ZNF679: variants seen among roughly 807,000 people sequenced by gnomAD.
ZNF679 encodes hypothetical protein MGC42415.
In ZNF679, 10 loss-of-function variants were observed where a neutral mutation model predicts 13.4. The ratio of observed to expected loss-of-function variants is 0.75; its 90% CI spans 0.46 to 1.27. The LOEUF (loss-of-function observed/expected upper bound fraction) is 1.27, where lower values mean the gene tolerates loss of function less well. Among genes scored for constraint, ZNF679 ranks in the 50% most tolerant of loss-of-function variants. The pLI is 0.00. For missense variants in ZNF679, 525 were observed against 477.8 expected (o/e 1.10, Z -0.92); for synonymous variants, 179 against 162.5 (o/e 1.10, Z -0.77).
chr7:64,257,860 A>G (rs1788023623), intron 2 of ZNF679, among the ~76,000 whole-genome samples: 1 of 152,230 alleles, frequency 6.6e-6, no homozygotes, highest in Non-Finnish European at 1.5e-5. Flanking sequence ...AAGCACAATC[A>G]GCATTTACAG....
chr7:64,245,457 G>A (rs1268893169), intron 1 of ZNF679, among the ~76,000 whole-genome samples: 1 of 152,086 alleles, frequency 6.6e-6, no homozygotes, highest in African/African-American at 2.4e-5. Context: ...GAGAGAGAGA[G>A]AGAGGGAGAG....
At chr7:64,261,190 A>G (rs1394870484) in intron 4 of ZNF679, among the ~76,000 whole-genome samples, 2 of 152,186 alleles carry the variant, frequency 1.3e-5, no homozygotes, top group Middle Eastern at 3.2e-3. Flanking sequence ...ATGGCTTATC[A>G]GAGACTGACT....
intron 4 of ZNF679, among the ~76,000 whole-genome samples, chr7:64,262,114 C>A (rs1256881348): frequency 6.6e-6 from 1 of 152,162 alleles, no homozygotes; most frequent in East Asian, 1.9e-4. Flanking sequence ...CCTCGGCCTG[C>A]CAAAGTTCTG....
intron 1 of ZNF679, among the ~76,000 whole-genome samples, chr7:64,229,314 C>T (rs1240385979): frequency 6.6e-6 from 1 of 152,052 alleles, no homozygotes; most frequent in East Asian, 1.9e-4. Flanking sequence ...AGTTAGAAAA[C>T]CCAGAACCAT....
chr7:64,235,522 C>T (rs1276782469), intron 1 of ZNF679, among the ~76,000 whole-genome samples: 1 of 152,128 alleles, frequency 6.6e-6, no homozygotes, highest in Non-Finnish European at 1.5e-5. Context: ...GGCTAGGTGG[C>T]TCATGCCTGT....
Position 64,266,903 on chromosome 7 carries a change from C to G in ZNF679, c.*34C>G. 1.4e-6 allele frequency: 2 copies of G among 1,480,344 alleles called. No homozygotes were observed. The highest frequency in any genetic ancestry group is 1.8e-6 in the Non-Finnish European group (2 of 1,118,514). 91.7% of individuals were successfully genotyped at this position (1,480,344 alleles called of 1,614,324 possible). A position where few individuals can be genotyped will look rare whatever the true frequency, so the allele number is the denominator to read the frequency against. On this transcript the variant is annotated 3_prime_UTR_variant, in exon 5 of 5. Coordinates refer to ENST00000421025, the MANE Select transcript of ZNF679 (RefSeq NM_153363.3). ...AGTCCAGCCTTCAGACCTTATAATA[C>G]ATAAAATAATTTATACTTGAAAAAA...
At chr7:64,233,424 G>A (rs1787667886) in intron 1 of ZNF679, among the ~76,000 whole-genome samples, 1 of 152,088 alleles carries the variant, frequency 6.6e-6, no homozygotes, top group Non-Finnish European at 1.5e-5. Flanking sequence ...CTGGGAGGTT[G>A]AGGCTGCAGT....
chr7:64,229,290 T>G (rs1459847127), intron 1 of ZNF679, among the ~76,000 whole-genome samples: 1 of 152,176 alleles, frequency 6.6e-6, no homozygotes, highest in Non-Finnish European at 1.5e-5. Context: ...GTGATTTTTT[T>G]GTGACCTTTG....
At chr7:64,263,259 T>G (rs1180288717) in intron 4 of ZNF679, among the ~76,000 whole-genome samples, 3 of 152,146 alleles carry the variant, frequency 2.0e-5, no homozygotes, top group African/African-American at 7.2e-5. Flanking sequence ...GCCCAGCTAA[T>G]TTTTAATTAT....
At chr7:64,245,415 GAGAGAA>G (rs1787854232) in intron 1 of ZNF679, among the ~76,000 whole-genome samples, 2 of 86,190 alleles carry the variant, frequency 2.3e-5, no homozygotes, top group African/African-American at 4.6e-5. Context: ...GAAAGGGAGA[GAGAGAA>G]AGAGAGAGAG....
intron 1 of ZNF679, among the ~76,000 whole-genome samples, chr7:64,238,760 A>T (rs531094803): frequency 6.6e-6 from 1 of 152,316 alleles, no homozygotes; most frequent in East Asian, 1.9e-4. Flanking sequence ...ATCTGAAAAC[A>T]GCCCCAAAAC....
At chr7:64,245,090 A>T (rs895367800) in intron 1 of ZNF679, among the ~76,000 whole-genome samples, 12 of 152,128 alleles carry the variant, frequency 7.9e-5, no homozygotes, top group Admixed American at 7.2e-4. Context: ...CAGTGGTGCC[A>T]TCTCGGCTTA....
intron 1 of ZNF679, among the ~76,000 whole-genome samples, chr7:64,233,821 G>T (rs1787673518): frequency 6.6e-6 from 1 of 152,144 alleles, no homozygotes; most frequent in African/African-American, 2.4e-5. Flanking sequence ...AGTGCAAAAG[G>T]TCTACTCTGG....
chr7:64,233,666 A>G (rs1787671760), intron 1 of ZNF679, among the ~76,000 whole-genome samples: 1 of 152,088 alleles, frequency 6.6e-6, no homozygotes, highest in African/African-American at 2.4e-5. Flanking sequence ...CATCCATAAC[A>G]GGGGAAGGTG....
At chr7:64,259,515 A>C (rs62461251) in intron 2 of ZNF679, among the ~76,000 whole-genome samples, 1 of 152,192 alleles carries the variant, frequency 6.6e-6, no homozygotes, top group East Asian at 1.9e-4. Flanking sequence ...GAAAAAACCT[A>C]TTAAGAGATA....
chr7:64,249,719 G>A (rs1265744169), intron 2 of ZNF679, among the ~76,000 whole-genome samples: 4 of 152,176 alleles, frequency 2.6e-5, no homozygotes, highest in African/African-American at 9.7e-5. Flanking sequence ...CTTTGGTAAA[G>A]TTATGTCGTT....
At chr7:64,258,851 GA>G (rs973660668) in intron 2 of ZNF679, among the ~76,000 whole-genome samples, 1 of 133,792 alleles carries the variant, frequency 7.5e-6, no homozygotes, top group Admixed American at 7.6e-5. Context: ...CAGGGGTTCT[GA>G]AAAAAAATTT....
At position 64,265,953 on chromosome 7, in the gene ZNF679, T is replaced by G. The variant is rs1788138128; in HGVS notation, c.320T>G (p.Leu107Arg). The change falls in exon 5 of 5, where the codon CTC (leucine) becomes CGC (arginine). Residue 107 changes from leucine (L) to arginine (R), a missense_variant. Transcript: ENST00000421025. ...LPPELGIKDS[L>R]QKVIPRRYGK... Reference sequence around the variant, plus strand: ...CCAGAGCTAGGCATAAAAGATTCACTCCAAAAAGTAATACCAAGAAGATAT... The same window carrying G: ...CCAGAGCTAGGCATAAAAGATTCACGCCAAAAAGTAATACCAAGAAGATAT... The G allele has an allele frequency of 1.2e-6, 2 of 1,613,710 alleles. No homozygotes were observed. Among genetic ancestry groups the G allele is most frequent in the South Asian group, 2.2e-5 (2 of 91,080 alleles).
intron 2 of ZNF679, 39 bp downstream of exon 2, chr7:64,249,195 G>C (rs1226589388): frequency 6.2e-7 from 1 of 1,611,674 alleles, no homozygotes. Flanking sequence ...AGGGGTGAGG[G>C]CTGGTTGGAA....
Sources: allele counts gnomAD v4.1 joint callset (sites outside exome capture counted in the v4.1 genomes callset), GRCh38; gene constraint gnomAD v4.1.1; transcripts MANE v1.5; gene names NCBI Gene and HGNC (gene_info 2026-07-23, HGNC 2026-07-21).